Variants in FMR1 observed in about 807,000 individuals in gnomAD.
FMR1 encodes the protein fragile X messenger ribonucleoprotein 1.
A neutral mutation model predicts 50.6 loss-of-function variants in FMR1; 13 were observed. That is an observed-to-expected ratio of 0.26 (90% CI 0.17 to 0.41). The LOEUF is 0.41. Ranked by LOEUF, FMR1 falls within the 10% of genes least tolerant of loss-of-function variation. The pLI, the probability that FMR1 is intolerant of heterozygous loss-of-function variation, is 1.00. For synonymous variants in FMR1, 138 were observed against 164.1 expected (o/e 0.84, Z 1.22); for missense variants, 316 against 491.3 (o/e 0.64, Z 3.37).
Position 147,918,555 on chromosome X carries a change from CTTTTTTTTTTTT to C in FMR1, c.52-3364_52-3353del, listed in dbSNP as rs368581020. ...GAAATGCATTCAGAGCCTGCAAAAG[CTTTTTTTTTTTT>C]TTTTTTTTTTTTTGAATAGCTACAG... On this transcript the variant is annotated intron_variant, in intron 1 of 16. Coordinates refer to ENST00000370475, the MANE Select transcript of FMR1 (RefSeq NM_002024.6). 7.8e-3 allele frequency among the ~76,000 whole-genome samples: 369 copies of C among 47,293 alleles called. 8 individuals are homozygous for C. The highest frequency in any genetic ancestry group is 0.037 in the African/African-American group (347 of 9,289). The allele number at this position is 47,293 out of a possible 115,157, so 41.1% of individuals were successfully genotyped here.
Position 147,949,375 on chromosome X carries a change from A to T in FMR1, c.*531A>T, listed in dbSNP as rs1569546169. On this transcript the variant is annotated 3_prime_UTR_variant, in exon 17 of 17. Coordinates refer to ENST00000370475, the MANE Select transcript of FMR1 (RefSeq NM_002024.6). Reference sequence around the variant, plus strand: ...ATTTGTCATTTTCATTAGCAAAAAAAGTTGTATGATCTGTGCCTTTTTTAT... The same window carrying T: ...ATTTGTCATTTTCATTAGCAAAAAATGTTGTATGATCTGTGCCTTTTTTAT... 1.5e-5 allele frequency: 5 copies of T among 327,508 alleles called. No individual in the cohort carries two copies. The highest frequency in any genetic ancestry group is 1.3e-4 in the Admixed American group (4 of 31,807). The allele number at this position is 327,508 out of a possible 1,213,427, so 27.0% of individuals were successfully genotyped here.
chrX:147,912,110 G>GCGGCGGCGGCGA lies in FMR1; in HGVS notation c.-69_-68insGGCGGCGGCGAC. The GCGGCGGCGGCGA allele has an allele frequency of 5.2e-6, 4 of 771,431 alleles. No individual in the cohort carries two copies. Among genetic ancestry groups the GCGGCGGCGGCGA allele is most frequent in the Non-Finnish European group, 6.5e-6 (4 of 616,712 alleles). 63.6% of individuals were successfully genotyped at this position (771,431 alleles called of 1,213,427 possible). A position where few individuals can be genotyped will look rare whatever the true frequency, so the allele number is the denominator to read the frequency against. ...GGCGGCGGCGGCGGCGGCGGCGGCG[G>GCGGCGGCGGCGA]CTGGGCCTCGAGCGCCCGCAGCCCA... On this transcript the variant is annotated 5_prime_UTR_variant, in exon 1 of 17. Transcript: ENST00000370475.
intron 1 of FMR1, chrX:147,912,941 C>T (rs139484594): frequency 3.3e-4 from 94 of 281,908 alleles, no homozygotes; most frequent in African/African-American, 2.4e-3. Context: ...ATATTCGCGT[C>T]CCCCTTTTTG....
intron 16 of FMR1, among the ~76,000 whole-genome samples, chrX:147,946,764 T>C (rs1557182073): frequency 8.9e-6 from 1 of 112,356 alleles, no homozygotes; most frequent in Non-Finnish European, 1.9e-5. Flanking sequence ...TTCCTGACTA[T>C]GGATTCATTT....
chrX:147,928,017 A>G (rs1433172336), intron 3 of FMR1: 1 of 228,353 alleles, frequency 4.4e-6, no homozygotes. Context: ...TGAGTACCCA[A>G]GGAAAGTGTG....
chrX:147,940,576 G>A lies in FMR1; in HGVS notation c.1189G>A (p.Gly397Ser), dbSNP rs2043968820. The change falls in exon 13 of 17, where the codon GGT (glycine) becomes AGT (serine). Residue 397 changes from glycine to serine, a missense_variant and splice_region_variant. Transcript: ENST00000370475. Reference protein sequence around the residue: ...SQKPELKAWQGMVPFVFVGTK... With the variant: ...SQKPELKAWQSMVPFVFVGTK... ...ATCATTGTTGCAATTTCTTTTTCAG[G>A]GTATGGTACCATTTGTTTTTGTGGG... The A allele has an allele frequency of 1.7e-6, 2 of 1,176,222 alleles. No homozygotes were observed. Among genetic ancestry groups the A allele is most frequent in the Non-Finnish European group, 2.3e-6 (2 of 863,540 alleles).
rs1180260878 is a variant in FMR1, at chrX:147,912,072, C to CGGCGGA, written c.-103_-102insAGGCGG. 566 of 299,307 alleles carry CGGCGGA rather than the reference C, an allele frequency of 1.9e-3. 4 individuals are homozygous for CGGCGGA. The highest frequency in any genetic ancestry group is 0.011 in the African/African-American group (365 of 32,136). The allele number at this position is 299,307 out of a possible 1,213,427, so 24.7% of individuals were successfully genotyped here. Reference sequence around the variant, plus strand: ...AGCGCGGCGGCGGCGGCGGCGGCGGCGGCGGCGGAGGCGGCGGCGGCGGCG... The same window carrying CGGCGGA: ...AGCGCGGCGGCGGCGGCGGCGGCGGCGGCGGAGGCGGCGGAGGCGGCGGCGGCGGCG... On this transcript the variant is annotated 5_prime_UTR_variant, in exon 1 of 17. Coordinates refer to ENST00000370475, the MANE Select transcript of FMR1 (RefSeq NM_002024.6).
In FMR1 at chrX:147,949,030, A is replaced by G; in HGVS notation, c.*186A>G. The G allele has an allele frequency of 1.9e-6, 1 of 517,474 alleles. No individual in the cohort carries two copies. Among genetic ancestry groups the G allele is most frequent in the Non-Finnish European group, 3.4e-6 (1 of 292,800 alleles). 42.6% of individuals were successfully genotyped at this position (517,474 alleles called of 1,213,427 possible). ...TAAGCAACAATTTTCAGATTTGCAC[A>G]AAAAGATACCTTAAAATTTGAAACA... On this transcript the variant is annotated 3_prime_UTR_variant, in exon 17 of 17. Transcript: ENST00000370475.
chrX:147,917,753 C>T (rs1208449218), intron 1 of FMR1, among the ~76,000 whole-genome samples: 3 of 111,178 alleles, frequency 2.7e-5, no homozygotes, highest in Admixed American at 9.5e-5. Flanking sequence ...ATTTCATTAC[C>T]CACAGCAGTC....
intron 1 of FMR1, among the ~76,000 whole-genome samples, chrX:147,920,863 A>G (rs907805966): frequency 6.2e-5 from 7 of 112,136 alleles, no homozygotes; most frequent in Admixed American, 4.7e-4. Flanking sequence ...GAAAGAAGGA[A>G]TGGAGAGAGG....
At chrX:147,916,186 G>T (rs1382950041) in intron 1 of FMR1, among the ~76,000 whole-genome samples, 2 of 112,228 alleles carry the variant, frequency 1.8e-5, no homozygotes, top group African/African-American at 3.2e-5. Context: ...TATATTGGGA[G>T]CTCATAAAAC....
chrX:147,912,077 G>GAGGCGGCGGCGGCGGCGGCGGCGGCGT lies in FMR1; in HGVS notation c.-103_-102insAGGCGGCGGCGGCGGCGGCGGCGGCGT, dbSNP rs1931643557. The GAGGCGGCGGCGGCGGCGGCGGCGGCGT allele has an allele frequency of 2.7e-6, 1 of 365,509 alleles. No homozygotes were observed. The allele number at this position is 365,509 out of a possible 1,213,427, so 30.1% of individuals were successfully genotyped here. A position where few individuals can be genotyped will look rare whatever the true frequency, so the allele number is the denominator to read the frequency against. On this transcript the variant is annotated 5_prime_UTR_variant, in exon 1 of 17. Transcript: ENST00000370475. ...GGCGGCGGCGGCGGCGGCGGCGGCG[G>GAGGCGGCGGCGGCGGCGGCGGCGGCGT]CGGAGGCGGCGGCGGCGGCGGCGGC...
At chrX:147,921,222 A>T (rs1453974242) in intron 1 of FMR1, among the ~76,000 whole-genome samples, 2 of 109,697 alleles carry the variant, frequency 1.8e-5, no homozygotes, top group African/African-American at 6.6e-5. Flanking sequence ...GGTTAATTTT[A>T]TAAAGTTACA....
rs781795108 is a variant in FMR1, at chrX:147,944,882, A to G, written c.1485A>G (p.Glu495=). The G allele has an allele frequency of 2.5e-6, 3 of 1,208,761 alleles. No individual in the cohort carries two copies. The highest frequency in any genetic ancestry group is 3.4e-6 in the Non-Finnish European group (3 of 894,664). ...AACTCTCGATAGGAACTAATTCTGA[A>G]GCATCAAATGCTTCTGAAACAGAAT... ...GPGYTSGTNS[E]ASNASETESD... Residue 495 remains glutamate, a synonymous_variant, in exon 15 of 17, where the codon GAA becomes GAG. Coordinates refer to ENST00000370475, the MANE Select transcript of FMR1 (RefSeq NM_002024.6).
Position 147,932,415 on chromosome X carries a change from T to C in FMR1, c.631-10T>C. 8.3e-7 allele frequency: 1 copy of C among 1,207,388 alleles called. No individual in the cohort carries two copies. Among genetic ancestry groups the C allele is most frequent in the Non-Finnish European group, 1.1e-6 (1 of 891,610 alleles). On this transcript the variant is annotated splice_polypyrimidine_tract_variant and intron_variant, in intron 7 of 16. Transcript: ENST00000370475. ...TAAAGTGTATTCATCAGACGTCCAT[T>C]TCTCTTCAGAGTTCAAGGCAGCTTG...
At chrX:147,942,322 T>G in intron 13 of FMR1, among the ~76,000 whole-genome samples, 1 of 112,197 alleles carries the variant, frequency 8.9e-6, no homozygotes, top group Middle Eastern at 4.7e-3. Context: ...TATGAGTGGA[T>G]TGGAAGGACA....
chrX:147,914,443 A>C (rs192292142), intron 1 of FMR1: 1 of 112,428 alleles, frequency 8.9e-6, no homozygotes, highest in Non-Finnish European at 1.9e-5. Context: ...AAAACCAATG[A>C]AAAATGAACT....
At position 147,945,066 on chromosome X, in the gene FMR1, A is replaced by T. The variant is rs1391858911; in HGVS notation, c.1654+15A>T. On this transcript the variant is annotated intron_variant, in intron 15 of 16. Coordinates refer to ENST00000370475, the MANE Select transcript of FMR1 (RefSeq NM_002024.6). The stretch of plus-strand genomic sequence containing the variant: ...AGGCTTCAAAGGTATGGAGATCTTC[A>T]TTAAGAAATCAAAGTGAATTGTAAC... 5 of 1,169,323 alleles carry T rather than the reference A, an allele frequency of 4.3e-6. No individual in the cohort carries two copies. Among genetic ancestry groups the T allele is most frequent in the Non-Finnish European group, 5.7e-6 (5 of 873,476 alleles).
In FMR1 at chrX:147,949,768, C is replaced by T. The variant is rs189599737; in HGVS notation, c.*924C>T. The T allele has an allele frequency of 3.1e-5, 10 of 324,962 alleles. No homozygotes were observed. Among genetic ancestry groups the T allele is most frequent in the African/African-American group, 2.5e-4 (9 of 36,576 alleles). 26.8% of individuals were successfully genotyped at this position (324,962 alleles called of 1,213,427 possible). ...ATATGCCTGCTCTTTGGCCTGATGA[C>T]CAATTTTAACTTAGAGCTTTTTTTT... On this transcript the variant is annotated 3_prime_UTR_variant, in exon 17 of 17. Transcript: ENST00000370475.
Sources: allele counts gnomAD v4.1 joint callset (sites outside exome capture counted in the v4.1 genomes callset), GRCh38; gene constraint gnomAD v4.1.1; transcripts MANE v1.5; gene names NCBI Gene and HGNC (gene_info 2026-07-23, HGNC 2026-07-21).